The following FMN1 variants were observed in gnomAD, a reference collection of about 807,000 sequenced individuals.
FMN1 encodes the protein formin-1.
FMN1 carries 110 observed loss-of-function variants against 132.4 expected under a neutral mutation model. The ratio of observed to expected loss-of-function variants is 0.83; its 90% CI spans 0.71 to 0.97. The LOEUF (loss-of-function observed/expected upper bound fraction) is 0.97, where lower values mean the gene tolerates loss of function less well. FMN1 is among the 50% of genes least tolerant of loss of function. The pLI, the probability that FMN1 is intolerant of heterozygous loss-of-function variation, is 0.00. For synonymous variants in FMN1, 722 were observed against 651.7 expected (o/e 1.11, Z -1.64); for missense variants, 1,792 against 1,705.3 (o/e 1.05, Z -0.90).
intron 17 of FMN1, among the ~76,000 whole-genome samples, chr15:32,852,868 T>C (rs1327253850): frequency 6.6e-6 from 1 of 152,236 alleles, no homozygotes; most frequent in Non-Finnish European, 1.5e-5. Context: ...CTTTAGCAAG[T>C]CATATTGTGA....
At chr15:32,948,367 T>C (rs889328286) in intron 9 of FMN1, among the ~76,000 whole-genome samples, 4 of 152,022 alleles carry the variant, frequency 2.6e-5, no homozygotes, top group Non-Finnish European at 5.9e-5. Context: ...ATGAGAGAAA[T>C]TGTCCTGTAG....
chr15:33,097,085 C>T (rs146552840), intron 4 of FMN1, among the ~76,000 whole-genome samples: 2 of 151,970 alleles, frequency 1.3e-5, no homozygotes, highest in African/African-American at 4.8e-5. Flanking sequence ...CTTAAGCTCA[C>T]GAGTTCAAGA....
At chr15:32,938,426 G>A (rs549550493) in intron 9 of FMN1, among the ~76,000 whole-genome samples, 5 of 152,284 alleles carry the variant, frequency 3.3e-5, no homozygotes, top group East Asian at 3.9e-4. Context: ...CTCCTCGGGA[G>A]GCTGAGGCAT....
At chr15:32,884,403 T>A (rs925261073) in intron 16 of FMN1, among the ~76,000 whole-genome samples, 1 of 152,212 alleles carries the variant, frequency 6.6e-6, no homozygotes, top group African/African-American at 2.4e-5. Flanking sequence ...TACGTCGTTA[T>A]ATCTCCCTCT....
At chr15:32,863,429 A>G (rs368138009) in intron 16 of FMN1, among the ~76,000 whole-genome samples, 19 of 152,258 alleles carry the variant, frequency 1.2e-4, no homozygotes, top group East Asian at 7.7e-4. Flanking sequence ...GCGAGACTCC[A>G]TCTCAAAATA....
rs181839230 is a variant in FMN1, at chr15:32,910,353, T to C, written c.3288+121A>G. ...ACTCCCATTCAAGCTTGTGTTTCTA[T>C]GCCTTAATCTCTTCCAGGCCACGTC... On this transcript the variant is annotated intron_variant, in intron 11 of 20. Coordinates refer to ENST00000616417, the MANE Select transcript of FMN1 (RefSeq NM_001277313.2). 89 of 734,346 alleles carry C rather than the reference T, an allele frequency of 1.2e-4. 1 individual carries two copies. The highest frequency in any genetic ancestry group is 4.4e-4 in the East Asian group (16 of 36,426). 45.5% of individuals were successfully genotyped at this position (734,346 alleles called of 1,614,324 possible).
intron 6 of FMN1, among the ~76,000 whole-genome samples, chr15:33,039,343 A>T (rs8042639): frequency 2.1e-3 from 301 of 146,348 alleles, no homozygotes; most frequent in African/African-American, 7.5e-3. Flanking sequence ...CAATGCCCTT[A>T]GAAAGTATGT....
chr15:32,964,826 A>G (rs1257471080), intron 8 of FMN1, among the ~76,000 whole-genome samples: 3 of 152,222 alleles, frequency 2.0e-5, no homozygotes, highest in Non-Finnish European at 4.4e-5. Context: ...CATGATTCAT[A>G]GTATCTCAGT....
chr15:33,066,208 A>ATGCTACCTAGTTT (rs1417736428), intron 5 of FMN1, among the ~76,000 whole-genome samples: 13 of 152,196 alleles, frequency 8.5e-5, no homozygotes, highest in Admixed American at 3.3e-4. Flanking sequence ...TCATTTCCTC[A>ATGCTACCTAGTTT]TGCTACCTAG....
chr15:33,104,925 A>G (rs2039427673), intron 4 of FMN1, among the ~76,000 whole-genome samples: 1 of 152,116 alleles, frequency 6.6e-6, no homozygotes, highest in Non-Finnish European at 1.5e-5. Context: ...GCTGAATCTA[A>G]TTGGTGGTGA....
At chr15:33,019,177 G>A (rs1301752705) in intron 6 of FMN1, among the ~76,000 whole-genome samples, 8 of 152,174 alleles carry the variant, frequency 5.3e-5, no homozygotes, top group Non-Finnish European at 1.2e-4. Context: ...TGTTTTGACA[G>A]GGTGCTGATT....
chr15:33,071,175 C>G (rs2037984431), intron 5 of FMN1, among the ~76,000 whole-genome samples: 1 of 152,130 alleles, frequency 6.6e-6, no homozygotes. Flanking sequence ...AAACAAAAAA[C>G]AACAACCTTA....
chr15:32,945,617 C>G (rs549380957), intron 9 of FMN1, among the ~76,000 whole-genome samples: 1 of 152,188 alleles, frequency 6.6e-6, no homozygotes, highest in African/African-American at 2.4e-5. Context: ...AGATAATGGG[C>G]AACAGAAAAG....
chr15:33,145,524 C>T (rs1472313411), intron 4 of FMN1, among the ~76,000 whole-genome samples: 2 of 151,630 alleles, frequency 1.3e-5, no homozygotes, highest in East Asian at 3.9e-4. Flanking sequence ...TCCCTATCTC[C>T]AGGCATGAAT....
intron 8 of FMN1, among the ~76,000 whole-genome samples, chr15:32,966,642 A>C (rs7177812): frequency 0.049 from 7,520 of 152,296 alleles, 224 homozygotes; most frequent in Middle Eastern, 0.088. Flanking sequence ...AAAAAAAATC[A>C]GTTCATACCA....
chr15:32,965,587 G>T (rs7169268), intron 8 of FMN1, among the ~76,000 whole-genome samples: 33,355 of 151,978 alleles, frequency 0.22, 5,649 homozygotes, highest in African/African-American at 0.47. Flanking sequence ...ACAGAATTTT[G>T]TAATACTACA....
intron 6 of FMN1, among the ~76,000 whole-genome samples, chr15:33,034,487 G>C (rs960070822): frequency 3.3e-5 from 5 of 152,136 alleles, no homozygotes; most frequent in African/African-American, 1.2e-4. Flanking sequence ...TGAGGCAGAA[G>C]GACTGCTTGA....
At chr15:33,067,516 T>A (rs758788941) in intron 5 of FMN1, 2 of 1,614,030 alleles carry the variant, frequency 1.2e-6, no homozygotes, top group East Asian at 2.2e-5. Context: ...AAGTAGACAG[T>A]GGAAGCAGCT....
intron 7 of FMN1, among the ~76,000 whole-genome samples, chr15:32,984,059 T>TA (rs1362988353): frequency 6.6e-6 from 1 of 152,196 alleles, no homozygotes; most frequent in Non-Finnish European, 1.5e-5. Context: ...GCCTGTTTTC[T>TA]ACCGCATTAT....
Sources: gnomAD v4.1 joint callset for allele counts (sites outside exome capture counted in the v4.1 genomes callset) on GRCh38, gnomAD v4.1.1 for gene constraint, MANE v1.5 for transcripts, NCBI Gene and HGNC (gene_info 2026-07-23, HGNC 2026-07-21) for gene names.